Variants in LRP1B observed in about 807,000 individuals in gnomAD.
LRP1B encodes LDL receptor related protein 1B.
A neutral mutation model predicts 556.6 loss-of-function variants in LRP1B; 217 were observed. That is an observed-to-expected ratio of 0.39 (90% CI 0.35 to 0.44). The LOEUF is 0.44. LRP1B is among the 20% of genes least tolerant of loss of function. The pLI is 1.00. For synonymous variants in LRP1B, 2,047 were observed against 1,865.8 expected, an observed-to-expected ratio of 1.10 and a Z score of -2.50; for missense variants, 5,053 against 5,620.8, an observed-to-expected ratio of 0.90 and a Z score of 3.23.
rs1385894466 is a variant in LRP1B, at chr2:140,702,241, C to A, written c.6202G>T (p.Asp2068Tyr). The A allele has an allele frequency of 1.2e-6, 2 of 1,613,650 alleles. No homozygotes were observed. Among genetic ancestry groups the A allele is most frequent in the Non-Finnish European group, 8.5e-7 (1 of 1,179,718 alleles). Residue 2068 changes from aspartate (D) to tyrosine (Y), a missense_variant, in exon 39 of 91, where the codon GAC becomes TAC. Coordinates refer to ENST00000389484, the MANE Select transcript of LRP1B (RefSeq NM_018557.3). The part of the protein sequence containing the change: ...DARTDKIERI[D>Y]LETGGNREMV... ...TCGCGATTCCCTCCAGTCTCAAGGT[C>A]GATTCTCTCTATCTTGTCTGTGCGA...
intron 7 of LRP1B, among the ~76,000 whole-genome samples, chr2:141,187,452 C>T (rs1244560994): frequency 6.6e-6 from 1 of 152,030 alleles, no homozygotes; most frequent in African/African-American, 2.4e-5. Context: ...GACATTTCAG[C>T]CTGAACTGCC....
intron 60 of LRP1B, among the ~76,000 whole-genome samples, chr2:140,468,753 C>T (rs1422826907): frequency 2.0e-5 from 3 of 152,228 alleles, no homozygotes; most frequent in Non-Finnish European, 4.4e-5. Flanking sequence ...TCTGAGCTCT[C>T]ACCAGTTATG....
At chr2:140,558,814 T>A (rs993350891) in intron 43 of LRP1B, among the ~76,000 whole-genome samples, 1 of 151,852 alleles carries the variant, frequency 6.6e-6, no homozygotes, top group African/African-American at 2.4e-5. Context: ...CATGTGCCTG[T>A]AGTTCCAGCT....
chr2:141,339,542 G>T (rs1687979070), intron 3 of LRP1B, among the ~76,000 whole-genome samples: 1 of 152,136 alleles, frequency 6.6e-6, no homozygotes, highest in Admixed American at 6.6e-5. Context: ...GCTGGTAATA[G>T]TACTTCTCTC....
chr2:141,067,057 GT>G (rs911406729), intron 7 of LRP1B, among the ~76,000 whole-genome samples: 16 of 151,632 alleles, frequency 1.1e-4, no homozygotes, highest in African/African-American at 3.9e-4. Context: ...TTTTTTTCTT[GT>G]TTTTATAGTA....
At chr2:141,709,438 C>T (rs1692274755) in intron 2 of LRP1B, among the ~76,000 whole-genome samples, 1 of 151,222 alleles carries the variant, frequency 6.6e-6, no homozygotes. Context: ...TGTCCTCATC[C>T]CAACTATGGC....
chr2:141,637,301 A>AAGG (rs1689138362), intron 2 of LRP1B, among the ~76,000 whole-genome samples: 1 of 152,206 alleles, frequency 6.6e-6, no homozygotes, highest in Non-Finnish European at 1.5e-5. Context: ...CCTTCTTTGC[A>AAGG]TTAAATTATG....
chr2:141,634,894 ATTAG>A (rs539627574), intron 2 of LRP1B, among the ~76,000 whole-genome samples: 10 of 152,034 alleles, frequency 6.6e-5, no homozygotes, highest in Non-Finnish European at 1.3e-4. Context: ...AAAACATTTA[ATTAG>A]TTAATTATTA....
At chr2:140,806,097 C>T (rs1573743405) in intron 32 of LRP1B, among the ~76,000 whole-genome samples, 2 of 151,754 alleles carry the variant, frequency 1.3e-5, no homozygotes. Context: ...CATTTGTTTC[C>T]ATGAGAAGAT....
intron 41 of LRP1B, among the ~76,000 whole-genome samples, chr2:140,653,658 TA>T (rs1374283825): frequency 6.6e-6 from 1 of 151,882 alleles, no homozygotes; most frequent in Non-Finnish European, 1.5e-5. Flanking sequence ...TATAAAGAAA[TA>T]GGGGTAATTT....
At chr2:141,390,004 G>A (rs1263039335) in intron 3 of LRP1B, among the ~76,000 whole-genome samples, 1 of 152,128 alleles carries the variant, frequency 6.6e-6, no homozygotes, top group Non-Finnish European at 1.5e-5. Context: ...CAGGAGTGAT[G>A]GCATGTGCCT....
At chr2:140,772,294 T>C (rs1018015755) in intron 33 of LRP1B, among the ~76,000 whole-genome samples, 3 of 147,508 alleles carry the variant, frequency 2.0e-5, no homozygotes, top group Non-Finnish European at 4.5e-5. Context: ...ATTTATAATA[T>C]ATATATTTGT....
chr2:140,881,979 T>G (rs983328344), intron 25 of LRP1B, among the ~76,000 whole-genome samples: 2 of 152,204 alleles, frequency 1.3e-5, no homozygotes, highest in African/African-American at 4.8e-5. Context: ...AAGCATCAAC[T>G]GCAAAATCTA....
At chr2:141,768,637 C>A (rs1027191079) in intron 2 of LRP1B, among the ~76,000 whole-genome samples, 1 of 151,942 alleles carries the variant, frequency 6.6e-6, no homozygotes, top group African/African-American at 2.4e-5. Context: ...TTTGTCTGCC[C>A]AGAGGAAAAA....
intron 6 of LRP1B, among the ~76,000 whole-genome samples, chr2:141,214,815 C>T (rs1305650486): frequency 2.0e-5 from 3 of 152,156 alleles, no homozygotes; most frequent in African/African-American, 7.2e-5. Flanking sequence ...GTCTCAGAAA[C>T]ACTGAAATTA....
chr2:140,372,608 C>T (rs754096123), intron 69 of LRP1B, among the ~76,000 whole-genome samples: 2 of 152,088 alleles, frequency 1.3e-5, no homozygotes, highest in Non-Finnish European at 2.9e-5. Context: ...AATTATGCTG[C>T]TTCTTAGCTA....
At chr2:141,339,230 A>T (rs1156347215) in intron 3 of LRP1B, among the ~76,000 whole-genome samples, 1 of 150,520 alleles carries the variant, frequency 6.6e-6, no homozygotes, top group African/African-American at 2.4e-5. Context: ...CCCTAATTAG[A>T]TTATAAGTGA....
intron 18 of LRP1B, among the ~76,000 whole-genome samples, chr2:140,963,743 G>A (rs1007442207): frequency 4.6e-5 from 7 of 152,110 alleles, no homozygotes; most frequent in African/African-American, 1.7e-4. Flanking sequence ...GATCCCGTAA[G>A]GTCAGGAGTT....
chr2:141,697,077 A>C (rs1423760585), intron 2 of LRP1B, among the ~76,000 whole-genome samples: 1 of 151,942 alleles, frequency 6.6e-6, no homozygotes, highest in African/African-American at 2.4e-5. Flanking sequence ...TTTGCTAGCC[A>C]GACATGTTTA....
Sources: gnomAD v4.1 joint callset for allele counts (sites outside exome capture counted in the v4.1 genomes callset) on GRCh38, gnomAD v4.1.1 for gene constraint, MANE v1.5 for transcripts, NCBI Gene and HGNC (gene_info 2026-07-23, HGNC 2026-07-21) for gene names.